Variants in DNAH9 observed in about 807,000 individuals in gnomAD.
DNAH9 encodes DNAH9 variant protein.
Under a neutral mutation model 471.6 loss-of-function variants are expected in DNAH9, and 345 were observed. The ratio of observed to expected loss-of-function variants is 0.73; its 90% CI spans 0.67 to 0.80. The LOEUF (loss-of-function observed/expected upper bound fraction) is 0.80. Among genes scored for constraint, DNAH9 ranks in the 30% least tolerant of loss-of-function variants. The probability of loss-of-function intolerance (pLI) is 0.00; values close to 1 mark genes in which losing one functional copy is unlikely to be tolerated. For missense variants in DNAH9, 5,407 were observed against 5,609.2 expected, an observed-to-expected ratio of 0.96 and a Z score of 1.15; for synonymous variants, 2,093 against 2,123.6, an observed-to-expected ratio of 0.99 and a Z score of 0.40.
chr17:11,943,453 C>T (rs1243125923), intron 67 of DNAH9, among the ~76,000 whole-genome samples: 1 of 151,960 alleles, frequency 6.6e-6, no homozygotes, highest in South Asian at 2.1e-4. Context: ...CCAAGGCGGG[C>T]GGATCACAAG....
At chr17:11,608,455 T>G in intron 2 of DNAH9, 130 bp downstream of exon 2, 1 of 733,754 alleles carries the variant, frequency 1.4e-6, no homozygotes, top group Non-Finnish European at 2.2e-6. Flanking sequence ...GCCTACTGTC[T>G]GCTCTGTTTG....
intron 19 of DNAH9, among the ~76,000 whole-genome samples, chr17:11,686,696 A>C (rs2074247690): frequency 1.3e-5 from 2 of 152,350 alleles, no homozygotes; most frequent in Non-Finnish European, 2.9e-5. Context: ...AGTTTGATAA[A>C]CATTCACCTC....
At chr17:11,693,740 C>T (rs765545948) in intron 20 of DNAH9, 128 bp from the exon 21 acceptor site, 6 of 1,013,050 alleles carry the variant, frequency 5.9e-6, no homozygotes, top group South Asian at 1.4e-5. Flanking sequence ...AGGGTGTTTC[C>T]TTCGTTGAGT....
intron 41 of DNAH9, among the ~76,000 whole-genome samples, chr17:11,786,393 A>G (rs1393348638): frequency 2.6e-5 from 4 of 152,314 alleles, no homozygotes; most frequent in Non-Finnish European, 4.4e-5. Context: ...GCCCAGTGGG[A>G]ACGACGAGTG....
chr17:11,715,511 G>A (rs1033930321), intron 26 of DNAH9, among the ~76,000 whole-genome samples: 3 of 152,160 alleles, frequency 2.0e-5, no homozygotes, highest in Admixed American at 2.0e-4. Context: ...TTTAAAGGGG[G>A]AGCACCTGAC....
chr17:11,871,472 C>T (rs1200012224), intron 51 of DNAH9, 126 bp from the exon 52 acceptor site: 5 of 808,864 alleles, frequency 6.2e-6, no homozygotes, highest in Non-Finnish European at 1.0e-5. Flanking sequence ...CGGAAAGGGC[C>T]ATATAAGTGA....
In DNAH9 at chr17:11,598,816, C is replaced by G. The variant is rs2072318571; in HGVS notation, c.318C>G (p.Thr106=). 1 of 1,487,406 alleles carries G rather than the reference C, an allele frequency of 6.7e-7. No individual in the cohort carries two copies. 92.1% of individuals were successfully genotyped at this position (1,487,406 alleles called of 1,614,324 possible). The change falls in exon 1 of 69, where the codon ACC becomes ACG. Residue 106 remains threonine (T), a synonymous_variant. Transcript: ENST00000262442. The part of the protein sequence containing the change: ...AGAKALFFLR[T]GPEPPGPDSF... Reference sequence around the variant, plus strand: ...CTAAGGCGCTTTTTTTCCTTCGCACCGGGCCCGAGCCTCCAGGGCCCGACA... The same window carrying G: ...CTAAGGCGCTTTTTTTCCTTCGCACGGGGCCCGAGCCTCCAGGGCCCGACA...
At chr17:11,938,074 A>G (rs1240366579) in intron 66 of DNAH9, among the ~76,000 whole-genome samples, 2 of 152,128 alleles carry the variant, frequency 1.3e-5, no homozygotes, top group East Asian at 3.9e-4. Flanking sequence ...AGGAAGGTGG[A>G]AGGGAATTAT....
At chr17:11,788,577 C>T (rs1968954277) in intron 41 of DNAH9, among the ~76,000 whole-genome samples, 1 of 152,114 alleles carries the variant, frequency 6.6e-6, no homozygotes, top group African/African-American at 2.4e-5. Flanking sequence ...ATTATTTTGA[C>T]CTATTTTTGA....
At chr17:11,653,397 G>C (rs2073556759) in intron 14 of DNAH9, among the ~76,000 whole-genome samples, 1 of 152,148 alleles carries the variant, frequency 6.6e-6, no homozygotes. Flanking sequence ...GCTCCGTAGA[G>C]CCTAAAGAAA....
Position 11,744,944 on chromosome 17 carries a change from A to C in DNAH9, c.6259A>C (p.Met2087Leu), listed in dbSNP as rs9892290. Residue 2087 changes from methionine (M) to leucine (L), a missense_variant, in exon 31 of 69, where the codon ATG (methionine) becomes CTG (leucine). Around this residue, in one of 3 missense-constraint regions of DNAH9, gnomAD observed 4,636 missense variants for 4,900.3 expected, o/e 0.95. Coordinates refer to ENST00000262442, the MANE Select transcript of DNAH9 (RefSeq NM_001372.4). ...FNIPKIVTDD[M>L]PIFMGLIGDL... is the part of the protein sequence containing the mutation. ...CATCCCCAAGATTGTGACTGATGAC[A>C]TGCCCATCTTCATGGGCCTGATCGG... is the stretch of plus-strand genomic sequence containing the variant. The C allele has an allele frequency of 6.2e-7, 1 of 1,614,166 alleles. No homozygotes were observed. Among genetic ancestry groups the C allele is most frequent in the South Asian group, 1.1e-5 (1 of 91,082 alleles).
At chr17:11,798,822 G>A (rs73294588) in intron 43 of DNAH9, among the ~76,000 whole-genome samples, 24,928 of 151,918 alleles carry the variant, frequency 0.16, 2,123 homozygotes, top group African/African-American at 0.18. Flanking sequence ...CCCATTCTAT[G>A]TGCCCCAGGG....
chr17:11,810,123 TC>T (rs1969835715), intron 44 of DNAH9, 122 bp from the exon 45 acceptor site: 5 of 1,232,266 alleles, frequency 4.1e-6, no homozygotes, highest in Non-Finnish European at 5.6e-6. Flanking sequence ...CTTCCCATTG[TC>T]ACCTTACTTT....
intron 52 of DNAH9, among the ~76,000 whole-genome samples, chr17:11,873,793 G>T (rs1354864992): frequency 1.4e-5 from 2 of 142,468 alleles, no homozygotes; most frequent in East Asian, 2.1e-4. Flanking sequence ...TGGGGGTGAT[G>T]AAATGTTTTG....
intron 33 of DNAH9, among the ~76,000 whole-genome samples, chr17:11,754,488 C>T (rs1967292995): frequency 6.6e-6 from 1 of 152,172 alleles, no homozygotes; most frequent in Non-Finnish European, 1.5e-5. Flanking sequence ...TCACCAGCCT[C>T]TGTTCTTTTA....
At chr17:11,845,862 T>C (rs1971205248) in intron 49 of DNAH9, among the ~76,000 whole-genome samples, 1 of 143,602 alleles carries the variant, frequency 7.0e-6, no homozygotes, top group African/African-American at 2.6e-5. Context: ...TGTTTTTTTC[T>C]TGTAAATTTG....
chr17:11,835,739 CT>C (rs1372394668), intron 49 of DNAH9, among the ~76,000 whole-genome samples: 2 of 152,182 alleles, frequency 1.3e-5, no homozygotes, highest in African/African-American at 4.8e-5. Context: ...CTACAGATTG[CT>C]TTCTCTGCCT....
intron 49 of DNAH9, among the ~76,000 whole-genome samples, chr17:11,837,100 A>G (rs891098283): frequency 2.6e-5 from 4 of 152,234 alleles, no homozygotes; most frequent in Non-Finnish European, 5.9e-5. Context: ...TGATGTTGTC[A>G]TAACCAGAAT....
At chr17:11,882,593 G>A (rs888761864) in intron 55 of DNAH9, among the ~76,000 whole-genome samples, 12 of 152,152 alleles carry the variant, frequency 7.9e-5, no homozygotes, top group African/African-American at 2.7e-4. Context: ...AGGTATGGAG[G>A]ATTCAGCAGT....
Sources: gnomAD v4.1 joint callset for allele counts (sites outside exome capture counted in the v4.1 genomes callset) on GRCh38, gnomAD v4.1.1 for gene constraint, gnomAD v4.1.1 regional missense constraint, MANE v1.5 for transcripts, NCBI Gene and HGNC (gene_info 2026-07-23, HGNC 2026-07-21) for gene names.